NAXD: variants seen among roughly 807,000 people sequenced by gnomAD.
The protein encoded by NAXD is NAD(P)HX dehydratase.
Under a neutral mutation model 35.8 loss-of-function variants are expected in NAXD, and 22 were observed. That is an observed-to-expected ratio of 0.62 (90% confidence interval 0.44 to 0.88). NAXD has a LOEUF of 0.88. NAXD is among the 40% of genes least tolerant of loss of function. The pLI, the probability that NAXD is intolerant of heterozygous loss-of-function variation, is 0.00. For missense variants in NAXD, 428 were observed against 437.7 expected (o/e 0.98, Z 0.20); for synonymous variants, 189 against 177.6 (o/e 1.06, Z -0.51).
At position 110,622,249 on chromosome 13, in the gene NAXD, A is replaced by G. The variant is rs754321863; in HGVS notation, c.80A>G (p.His27Arg). The change falls in exon 2 of 10, where the codon CAT becomes CGT. Residue 27 changes from histidine to arginine, a missense_variant. Coordinates refer to ENST00000680254, the MANE Select transcript of NAXD (RefSeq NM_001242882.2). Reference protein sequence around the residue: ...LERAFSLRKAHSIKDMENTLQ... With the variant: ...LERAFSLRKARSIKDMENTLQ... ...AGAGCGTTTTCGCTACGTAAAGCAC[A>G]TTCGATAAAGGATATGGAAAATACT... 5.6e-6 allele frequency: 9 copies of G among 1,614,060 alleles called. No individual in the cohort carries two copies. The highest frequency in any genetic ancestry group is 6.8e-6 in the Non-Finnish European group (8 of 1,179,972).
intron 6 of NAXD, 36 bp from the exon 7 acceptor site, chr13:110,634,636 G>T (rs1432880840): frequency 1.2e-6 from 2 of 1,613,986 alleles, no homozygotes; most frequent in East Asian, 2.2e-5. Context: ...CTCCCGGAAG[G>T]CCTGTGCAGT....
chr13:110,622,567 C>T (rs1026122262), intron 2 of NAXD, among the ~76,000 whole-genome samples: 8 of 152,192 alleles, frequency 5.3e-5, no homozygotes, highest in Non-Finnish European at 1.2e-4. Context: ...ATTACTCCCT[C>T]ATGTGTGTCA....
rs1234320977 is a variant in NAXD, at chr13:110,622,291, A to G, written c.122A>G (p.Asn41Ser). 28 of 1,614,080 alleles carry G rather than the reference A, an allele frequency of 1.7e-5. No individual in the cohort carries two copies. Among genetic ancestry groups the G allele is most frequent in the Non-Finnish European group, 2.0e-5 (24 of 1,180,024 alleles). Residue 41 changes from asparagine to serine, a missense_variant, in exon 2 of 10, where the codon AAT (asparagine) becomes AGT (serine). Transcript: ENST00000680254. ...GAAAATACTTTGCAGCTGGTGAGAA[A>G]TATCATACCTCCTCTGTCTTCCACA... ...DMENTLQLVR[N>S]IIPPLSSTKH... is the part of the protein sequence containing the mutation.
chr13:110,615,981 G>C (rs1886036484), intron 1 of NAXD: 2 of 416,144 alleles, frequency 4.8e-6, no homozygotes, highest in African/African-American at 4.1e-5. Context: ...GGGTGGCGCC[G>C]GGCCGGAGCC....
At chr13:110,634,845 T>C (rs995134234) in intron 7 of NAXD, 69 bp downstream of exon 7, 14 of 1,170,334 alleles carry the variant, frequency 1.2e-5, no homozygotes, top group Admixed American at 3.8e-5. Flanking sequence ...AAGGACGAGC[T>C]CCATGCTTCT....
rs1453223279 is a variant in NAXD at position 110,634,783 on chromosome 13, C to T, written c.597+7C>T. The T allele has an allele frequency of 6.2e-7, 1 of 1,605,246 alleles. No individual in the cohort carries two copies. The highest frequency in any genetic ancestry group is 1.7e-5 in the Admixed American group (1 of 59,916). Reference sequence around the variant, plus strand: ...CAGACTGTATGACGCTGTGGTGAGTCAGTGGACCCCCTGGAGGGTAGATGC... The same window carrying T: ...CAGACTGTATGACGCTGTGGTGAGTTAGTGGACCCCCTGGAGGGTAGATGC... On this transcript the variant is annotated splice_region_variant and intron_variant, in intron 7 of 9. Transcript: ENST00000680254.
rs1886412442 is a variant in NAXD, at chr13:110,625,058, G to C, written c.244-132G>C. ...GCCCTTTGCTAAGCCACCTGGCTGG[G>C]TGTAATCCGAGCTAGTACGTTTCTC... On this transcript the variant is annotated intron_variant, in intron 3 of 9. Coordinates refer to ENST00000680254, the MANE Select transcript of NAXD (RefSeq NM_001242882.2). The C allele has an allele frequency of 9.1e-6, 6 of 657,796 alleles. No homozygotes were observed. The Admixed American group carries it at 1.5e-4, about 17-fold the overall frequency. The allele number at this position is 657,796 out of a possible 1,614,324, so 40.7% of individuals were successfully genotyped here.
Position 110,639,496 on chromosome 13 carries a change from A to G in NAXD, c.*968A>G, listed in dbSNP as rs1887089628. 1 of 152,262 alleles carries G rather than the reference A, an allele frequency of 6.6e-6. No individual in the cohort carries two copies. Among genetic ancestry groups the G allele is most frequent in the Non-Finnish European group, 1.5e-5 (1 of 68,066 alleles). The allele number at this position is 152,262 out of a possible 1,614,324, so 9.4% of individuals were successfully genotyped here. On this transcript the variant is annotated 3_prime_UTR_variant, in exon 10 of 10. Coordinates refer to ENST00000680254, the MANE Select transcript of NAXD (RefSeq NM_001242882.2). The stretch of plus-strand genomic sequence containing the variant: ...CGTGTCCTTAGGGATGTTCGCGTCC[A>G]GTAAAGACACTGGTAACTGCGGTTT...
At chr13:110,625,964 G>C (rs1411617300) in intron 4 of NAXD, among the ~76,000 whole-genome samples, 1 of 152,188 alleles carries the variant, frequency 6.6e-6, no homozygotes, top group Non-Finnish European at 1.5e-5. Context: ...CAGAGGGGCA[G>C]TTGGGGCGGC....
chr13:110,636,503 C>T (rs1201246319), intron 8 of NAXD, among the ~76,000 whole-genome samples: 1 of 152,194 alleles, frequency 6.6e-6, no homozygotes, highest in Non-Finnish European at 1.5e-5. Context: ...CAGCTGTGCA[C>T]AAGGAACACA....
chr13:110,626,279 G>C (rs1311118596), intron 4 of NAXD, among the ~76,000 whole-genome samples: 1 of 152,124 alleles, frequency 6.6e-6, no homozygotes, highest in East Asian at 1.9e-4. Context: ...TGTTTGGAAA[G>C]TTTGGGGGTG....
rs370421591 is a variant in NAXD, at chr13:110,634,657, C to T, written c.493-15C>T. ...GAAGGCCTGTGCAGTGAGCACGGCT[C>T]CTTGTTCTGTGCAGGATGGCCTGTG... On this transcript the variant is annotated splice_polypyrimidine_tract_variant and intron_variant, in intron 6 of 9. Coordinates refer to ENST00000680254, the MANE Select transcript of NAXD (RefSeq NM_001242882.2). 25 of 1,613,986 alleles carry T rather than the reference C, an allele frequency of 1.5e-5. No individual in the cohort carries two copies. In the African/African-American group the frequency reaches 3.2e-4, roughly 21 times the overall value.
chr13:110,637,957 T>A (rs966906421), intron 9 of NAXD, among the ~76,000 whole-genome samples: 4 of 152,024 alleles, frequency 2.6e-5, no homozygotes, highest in African/African-American at 7.2e-5. Flanking sequence ...CATTCTGCTG[T>A]GTTCACTCGA....
rs572141551 is a variant in NAXD, at chr13:110,632,069, C to T, written c.442-2476C>T. On this transcript the variant is annotated intron_variant, in intron 5 of 9. Transcript: ENST00000680254. ...TCAAGAATGAAGCCGTGGACCCTCG[C>T]GGTGAGTGTTACAGCTCTTAAGGTG... 9.6e-5 allele frequency among the ~76,000 whole-genome samples: 13 copies of T among 135,702 alleles called. No individual in the cohort carries two copies. The South Asian group carries it at 2.0e-3, about 21-fold the overall frequency. 89.0% of individuals were successfully genotyped at this position (135,702 alleles called of 152,430 possible).
Position 110,615,772 on chromosome 13 carries a change from C to T in NAXD, c.46+125C>T, listed in dbSNP as rs375795548. The T allele has an allele frequency of 2.6e-4, 369 of 1,395,630 alleles. No homozygotes were observed. Among genetic ancestry groups the T allele is most frequent in the Non-Finnish European group, 3.3e-4 (356 of 1,073,496 alleles). The allele number at this position is 1,395,630 out of a possible 1,614,324, so 86.5% of individuals were successfully genotyped here. A position where few individuals can be genotyped will look rare whatever the true frequency, so the allele number is the denominator to read the frequency against. On this transcript the variant is annotated intron_variant, in intron 1 of 9. Transcript: ENST00000680254. ...GCGCTGTACGGGCCGCCACTGGACG[C>T]AGGTACCCGACCGCTGACCGCCTCT...
At chr13:110,615,467 A>T (rs923685349), upstream of NAXD, 3 of 783,032 alleles carry the variant, frequency 3.8e-6, no homozygotes, top group East Asian at 3.4e-5. Flanking sequence ...ATCATCTAGA[A>T]CCGGGTGTGA....
chr13:110,637,080 T>G, intron 8 of NAXD, 49 bp from the exon 9 acceptor site: 2 of 1,568,558 alleles, frequency 1.3e-6, no homozygotes, highest in Non-Finnish European at 1.7e-6. Context: ...ACTGTCACAT[T>G]CACACACATG....
intron 4 of NAXD, 35 bp downstream of exon 4, chr13:110,625,313 C>T (rs533749309): frequency 2.8e-6 from 4 of 1,416,034 alleles, no homozygotes; most frequent in East Asian, 4.6e-5. Flanking sequence ...CGTAGGTTCT[C>T]TTTCCCTCCT....
At chr13:110,624,934 AC>A (rs1886406994) in intron 3 of NAXD, among the ~76,000 whole-genome samples, 2 of 152,194 alleles carry the variant, frequency 1.3e-5, no homozygotes, top group African/African-American at 4.8e-5. Context: ...CTGGAGGGTG[AC>A]CAGACCGAGC....
Sources: allele counts gnomAD v4.1 joint callset (sites outside exome capture counted in the v4.1 genomes callset), GRCh38; gene constraint gnomAD v4.1.1; transcripts MANE v1.5; gene names NCBI Gene and HGNC (gene_info 2026-07-23, HGNC 2026-07-21).